The following ULK4 variants were observed in gnomAD, a reference collection of about 807,000 sequenced individuals.
ULK4 encodes unc-51 like kinase 4, also known as inactive serine/threonine-protein kinase ULK4.
ULK4 carries 133 observed loss-of-function variants against 160.6 expected under a neutral mutation model. The observed-to-expected ratio is 0.83, with a 90% CI of 0.72 to 0.96. ULK4 has a LOEUF of 0.96. Ranked by LOEUF, ULK4 falls within the 40% of genes least tolerant of loss-of-function variation. ULK4 has a pLI of 0.00. For synonymous variants in ULK4, 534 were observed against 539.8 expected, an observed-to-expected ratio of 0.99 and a Z score of 0.15; for missense variants, 1,580 against 1,499.5, an observed-to-expected ratio of 1.05 and a Z score of -0.89.
chr3:41,833,356 C>A (rs926707059), intron 18 of ULK4, among the ~76,000 whole-genome samples: 5 of 150,424 alleles, frequency 3.3e-5, no homozygotes, highest in Non-Finnish European at 5.9e-5. Flanking sequence ...AGGGCAGTGG[C>A]GCAATCTCGG....
chr3:41,758,876 TA>T (rs553645048), intron 21 of ULK4, among the ~76,000 whole-genome samples: 509 of 132,116 alleles, frequency 3.9e-3, no homozygotes, highest in Middle Eastern at 0.012. Context: ...CCATCTCAAT[TA>T]AAAAAAAAAA....
chr3:41,373,039 T>G (rs150112268), intron 35 of ULK4, among the ~76,000 whole-genome samples: 1 of 151,862 alleles, frequency 6.6e-6, no homozygotes, highest in Non-Finnish European at 1.5e-5. Context: ...AAAAAGACAA[T>G]GAAGGGCATT....
chr3:41,403,151 CAA>C (rs34741515), intron 34 of ULK4, among the ~76,000 whole-genome samples: 31 of 133,398 alleles, frequency 2.3e-4, no homozygotes, highest in Middle Eastern at 3.8e-3. Context: ...AACTCCGTCT[CAA>C]AAAAAAAAAA....
intron 35 of ULK4, among the ~76,000 whole-genome samples, chr3:41,345,059 A>G (rs935183045): frequency 3.9e-5 from 6 of 152,354 alleles, no homozygotes; most frequent in Middle Eastern, 3.4e-3. Context: ...GAGAAATGCA[A>G]ATCAAAACCA....
intron 32 of ULK4, among the ~76,000 whole-genome samples, chr3:41,546,246 G>A (rs185356591): frequency 5.0e-4 from 76 of 151,954 alleles, no homozygotes; most frequent in East Asian, 9.7e-4. Context: ...TGTTCTGGGC[G>A]GCAGTTAAAT....
intron 22 of ULK4, among the ~76,000 whole-genome samples, chr3:41,752,296 G>T (rs575551689): frequency 1.3e-5 from 2 of 152,040 alleles, no homozygotes; most frequent in Non-Finnish European, 2.9e-5. Context: ...GATGGTAAAC[G>T]CAAAGACAAA....
At chr3:41,421,378 A>G (rs1165494532) in intron 34 of ULK4, among the ~76,000 whole-genome samples, 1 of 152,090 alleles carries the variant, frequency 6.6e-6, no homozygotes, top group Non-Finnish European at 1.5e-5. Flanking sequence ...TTGCAATTTT[A>G]ATGAAAATGC....
At chr3:41,674,729 C>G (rs2035649997) in intron 29 of ULK4, among the ~76,000 whole-genome samples, 1 of 152,150 alleles carries the variant, frequency 6.6e-6, no homozygotes, top group African/African-American at 2.4e-5. Flanking sequence ...AATATGAAGT[C>G]AGAGAGAGTC....
At position 41,599,559 on chromosome 3, in the gene ULK4, CTTTTTCTTTTTTTTTTTT is replaced by C. The variant is rs1172959565; in HGVS notation, c.3120+16092_3120+16109del. 5.5e-5 allele frequency among the ~76,000 whole-genome samples: 7 copies of C among 126,190 alleles called. No individual in the cohort carries two copies. The Admixed American group carries it at 5.7e-4, about 10-fold the overall frequency. The allele number at this position is 126,190 out of a possible 152,430, so 82.8% of individuals were successfully genotyped here. A position where few individuals can be genotyped will look rare whatever the true frequency, so the allele number is the denominator to read the frequency against. On this transcript the variant is annotated intron_variant, in intron 31 of 36. Transcript: ENST00000301831. The stretch of plus-strand genomic sequence containing the variant: ...GAAAACTGCTCAGAAAAGGCATTTT[CTTTTTCTTTTTTTTTTTT>C]TTTTTGAGACGGAGTCTTGCCCTGT...
chr3:41,594,899 C>G (rs2031588631), intron 31 of ULK4, among the ~76,000 whole-genome samples: 1 of 151,824 alleles, frequency 6.6e-6, no homozygotes, highest in African/African-American at 2.4e-5. Context: ...GAAAAGGAGA[C>G]AAATCGAGCT....
intron 31 of ULK4, among the ~76,000 whole-genome samples, chr3:41,588,614 A>T (rs1319576806): frequency 6.6e-6 from 1 of 152,206 alleles, no homozygotes; most frequent in Admixed American, 6.5e-5. Context: ...ATAGCAGGAC[A>T]AGTGCACAGA....
intron 32 of ULK4, among the ~76,000 whole-genome samples, chr3:41,515,490 T>C (rs1036410623): frequency 4.6e-5 from 7 of 152,002 alleles, no homozygotes; most frequent in South Asian, 2.1e-4. Flanking sequence ...CTATAAAAAA[T>C]TGCCCAAAAC....
chr3:41,812,388 G>C lies in ULK4; in HGVS notation c.1848+7035C>G, dbSNP rs760341878. Among the ~76,000 whole-genome samples the C allele has an allele frequency of 7.5e-4, 114 of 152,148 alleles. 2 individuals are homozygous for C. The highest frequency in any genetic ancestry group is 3.2e-4 in the Non-Finnish European group (22 of 68,026). ...ATGTAAATGATCAGATGGAAAGAGG[G>C]AAGTATTTAGAGTGAAAAACTTTTG... On this transcript the variant is annotated intron_variant, in intron 19 of 36. Coordinates refer to ENST00000301831, the MANE Select transcript of ULK4 (RefSeq NM_017886.4).
At chr3:41,885,894 T>C (rs1213894244) in intron 16 of ULK4, among the ~76,000 whole-genome samples, 2 of 152,080 alleles carry the variant, frequency 1.3e-5, no homozygotes, top group Admixed American at 6.5e-5. Flanking sequence ...TCCAGGCTGG[T>C]GTTGAACTCC....
intron 31 of ULK4, among the ~76,000 whole-genome samples, chr3:41,607,680 A>G (rs577636939): frequency 6.6e-6 from 1 of 152,316 alleles, no homozygotes; most frequent in East Asian, 1.9e-4. Context: ...CACATATTAT[A>G]AAGTTGGGGA....
At chr3:41,702,848 T>C (rs77194028) in intron 27 of ULK4, among the ~76,000 whole-genome samples, 82 of 145,620 alleles carry the variant, frequency 5.6e-4, no homozygotes, top group African/African-American at 2.2e-3. Flanking sequence ...TTGTTTGTTT[T>C]TTTTTGGTTT....
chr3:41,914,440 G>A (rs904025861), intron 8 of ULK4, among the ~76,000 whole-genome samples: 1 of 152,196 alleles, frequency 6.6e-6, no homozygotes, highest in African/African-American at 2.4e-5. Flanking sequence ...GAGAGTGGGA[G>A]GGAAGGAGCT....
At chr3:41,933,576 C>T (rs2148823924) in intron 4 of ULK4, among the ~76,000 whole-genome samples, 2 of 152,236 alleles carry the variant, frequency 1.3e-5, no homozygotes, top group South Asian at 4.1e-4. Flanking sequence ...CTGAATTTTT[C>T]AGATCATAAC....
intron 31 of ULK4, among the ~76,000 whole-genome samples, chr3:41,568,675 C>G (rs184306265): frequency 2.8e-4 from 43 of 152,296 alleles, no homozygotes; most frequent in African/African-American, 9.9e-4. Flanking sequence ...TCTTCTCTCA[C>G]TCAGTAATAA....
Sources: gnomAD v4.1 joint callset for allele counts (sites outside exome capture counted in the v4.1 genomes callset) on GRCh38, gnomAD v4.1.1 for gene constraint, MANE v1.5 for transcripts, NCBI Gene and HGNC (gene_info 2026-07-23, HGNC 2026-07-21) for gene names.